ZZEF1: variants seen among roughly 807,000 people sequenced by gnomAD.
ZZEF1 encodes the protein zinc finger ZZ-type and EF-hand domain containing 1.
Under a neutral mutation model 342.8 loss-of-function variants are expected in ZZEF1, and 157 were observed. The ratio of observed to expected loss-of-function variants is 0.46; its 90% CI spans 0.40 to 0.52. The LOEUF is 0.52. Among genes scored for constraint, ZZEF1 ranks in the 20% least tolerant of loss-of-function variants. ZZEF1 has a pLI of 0.00. For missense variants in ZZEF1, 3,480 were observed against 3,725.6 expected (o/e 0.93, Z 1.72); for synonymous variants, 1,505 against 1,429.1 (o/e 1.05, Z -1.20).
chr17:4,052,105 G>C lies in ZZEF1; in HGVS notation c.5466C>G (p.Asp1822Glu). 1 of 1,613,884 alleles carries C rather than the reference G, an allele frequency of 6.2e-7. No homozygotes were observed. The highest frequency in any genetic ancestry group is 8.5e-7 in the Non-Finnish European group (1 of 1,179,926). ...GGVKPEGHGD[D>E]HEMVNMEFTC... ...TAAACTCCATGTTGACCATTTCATG[G>C]TCGTCTCCGTGGCCCTCAGGCTTCA... Residue 1822 changes from aspartate (D) to glutamate (E), a missense_variant, in exon 35 of 55, where the codon GAC becomes GAG. Around this residue, in one of 5 missense-constraint regions of ZZEF1, gnomAD observed 175 missense variants for 254.6 expected, o/e 0.69. Transcript: ENST00000381638.
chr17:4,025,468 C>T (rs543374435), intron 42 of ZZEF1, among the ~76,000 whole-genome samples: 1 of 152,290 alleles, frequency 6.6e-6, no homozygotes, highest in East Asian at 1.9e-4. Context: ...GGGTGGATCA[C>T]TTGAGGTCAG....
chr17:4,136,062 G>T (rs1477652175), intron 1 of ZZEF1, among the ~76,000 whole-genome samples: 4 of 137,400 alleles, frequency 2.9e-5, no homozygotes, highest in African/African-American at 1.1e-4. Context: ...GTGCGATCTC[G>T]GCTCACTGCA....
chr17:4,048,902 T>C lies in ZZEF1; in HGVS notation c.6015+806A>G, dbSNP rs535336572. On this transcript the variant is annotated intron_variant, in intron 37 of 54. Coordinates refer to ENST00000381638, the MANE Select transcript of ZZEF1 (RefSeq NM_015113.4). ...TTTTTTTTTTTTTTTGTATTTTTAG[T>C]AGAGACAGGGTTTCACCCTGTTGGC... is the stretch of plus-strand genomic sequence containing the variant. Among the ~76,000 whole-genome samples the C allele has an allele frequency of 6.1e-5, 9 of 147,094 alleles. 1 individual carries two copies. Among genetic ancestry groups the C allele is most frequent in the Admixed American group, 3.4e-4 (5 of 14,528 alleles).
rs2056583368 is a variant in ZZEF1, at chr17:4,033,016, G to A, written c.6585-14C>T. The A allele has an allele frequency of 1.9e-6, 3 of 1,552,878 alleles. No individual in the cohort carries two copies. The highest frequency in any genetic ancestry group is 2.6e-6 in the Non-Finnish European group (3 of 1,147,918). On this transcript the variant is annotated splice_polypyrimidine_tract_variant and intron_variant, in intron 40 of 54. Coordinates refer to ENST00000381638, the MANE Select transcript of ZZEF1 (RefSeq NM_015113.4). ...AAGCCCACCCGGCTGGAAGGCAAGA[G>A]CTCCATTAGGGGCAGTACACAGGGC...
intron 52 of ZZEF1, 150 bp downstream of exon 52, chr17:4,013,299 G>T: frequency 1.4e-6 from 1 of 715,966 alleles, no homozygotes; most frequent in Non-Finnish European, 2.1e-6. Context: ...CACCAAGAAC[G>T]CTAGCATAAA....
chr17:4,138,439 C>T (rs2058789692), intron 1 of ZZEF1, among the ~76,000 whole-genome samples: 1 of 152,116 alleles, frequency 6.6e-6, no homozygotes, highest in Admixed American at 6.5e-5. Flanking sequence ...CATATTTAAC[C>T]GTTTCCTTCA....
intron 33 of ZZEF1, among the ~76,000 whole-genome samples, chr17:4,054,428 A>G (rs1395528091): frequency 6.6e-6 from 1 of 152,246 alleles, no homozygotes; most frequent in Non-Finnish European, 1.5e-5. Context: ...TAGAGGACAG[A>G]GGACTATGGC....
At position 4,039,877 on chromosome 17, in the gene ZZEF1, C is replaced by T. The variant is rs990566606; in HGVS notation, c.6306+2552G>A. ...GCCAGGATGGTCTCGATCTCCTGAC[C>T]TCATGATCTGCCCGCCTTGGCCTCC... On this transcript the variant is annotated intron_variant, in intron 39 of 54. Transcript: ENST00000381638. Among the ~76,000 whole-genome samples the T allele has an allele frequency of 4.6e-5, 7 of 152,088 alleles. No homozygotes were observed. The East Asian group carries it at 5.8e-4, about 13-fold the overall frequency.
At chr17:4,087,911 C>T (rs925998319) in intron 13 of ZZEF1, among the ~76,000 whole-genome samples, 4 of 152,054 alleles carry the variant, frequency 2.6e-5, no homozygotes, top group African/African-American at 9.7e-5. Context: ...CTACAATATA[C>T]TGACGCCTTC....
chr17:4,125,411 C>A (rs1472206265), intron 1 of ZZEF1, among the ~76,000 whole-genome samples: 1 of 152,144 alleles, frequency 6.6e-6, no homozygotes, highest in African/African-American at 2.4e-5. Context: ...CATCATAGAC[C>A]TCTGAACAAT....
At chr17:4,031,612 A>G (rs1388243024) in intron 42 of ZZEF1, among the ~76,000 whole-genome samples, 1 of 152,188 alleles carries the variant, frequency 6.6e-6, no homozygotes, top group Non-Finnish European at 1.5e-5. Flanking sequence ...GAAAATGCAG[A>G]TGGCTTCACG....
intron 28 of ZZEF1, among the ~76,000 whole-genome samples, chr17:4,065,033 A>G (rs932772167): frequency 6.6e-6 from 1 of 152,166 alleles, no homozygotes; most frequent in South Asian, 2.1e-4. Flanking sequence ...TAAAAAAAAA[A>G]GTTTAAATTT....
intron 8 of ZZEF1, among the ~76,000 whole-genome samples, chr17:4,103,211 T>C (rs2058155285): frequency 6.6e-6 from 1 of 152,020 alleles, no homozygotes; most frequent in Non-Finnish European, 1.5e-5. Context: ...AGGACACCAA[T>C]TGTCTAACTT....
chr17:4,025,094 T>C lies in ZZEF1; in HGVS notation c.6917A>G (p.Lys2306Arg). Residue 2306 changes from lysine (K) to arginine (R), a missense_variant, in exon 43 of 55, where the codon AAG (lysine) becomes AGG (arginine). Around this residue, in one of 5 missense-constraint regions of ZZEF1, gnomAD observed 1,269 missense variants for 1,342.4 expected, o/e 0.95. Transcript: ENST00000381638. ...GTCACCACACTCTTGTCCTCCTCCC[T>C]TCTGGACCAGCTGGTAGTCCTTCAC... ...KTVKDYQLVQ[K>R]GGGQECGDSR... 6.2e-7 allele frequency: 1 copy of C among 1,614,112 alleles called. No homozygotes were observed. The highest frequency in any genetic ancestry group is 8.5e-7 in the Non-Finnish European group (1 of 1,180,014).
intron 1 of ZZEF1, among the ~76,000 whole-genome samples, chr17:4,131,387 C>T (rs2058659888): frequency 6.6e-6 from 1 of 151,670 alleles, no homozygotes. Context: ...AGACAACTGG[C>T]AGAGAATCTG....
chr17:4,064,588 C>T lies in ZZEF1; in HGVS notation c.4491G>A (p.Leu1497=), dbSNP rs1597836553. The change falls in exon 29 of 55, where the codon CTG becomes CTA. Residue 1497 remains leucine, a synonymous_variant. Coordinates refer to ENST00000381638, the MANE Select transcript of ZZEF1 (RefSeq NM_015113.4). ...CAGCAGGAAGGCCACTGCTGGATGG[C>T]AGCTTTGGCTGGGTGCCCAGGCCAG... ...QSPGLGTQPK[L]PSSSGLPAAD... is the part of the protein sequence containing the mutation. The T allele has an allele frequency of 1.2e-6, 2 of 1,614,150 alleles. No individual in the cohort carries two copies. Among genetic ancestry groups the T allele is most frequent in the Non-Finnish European group, 1.7e-6 (2 of 1,180,036 alleles).
Position 4,019,650 on chromosome 17 carries a change from G to A in ZZEF1, c.7505+19C>T. Reference sequence around the variant, plus strand: ...TTCTCTCCCTGGCCACACTTCAGCTGCACGGAAATGTCCCTTACCTCTTCT... The same window carrying A: ...TTCTCTCCCTGGCCACACTTCAGCTACACGGAAATGTCCCTTACCTCTTCT... On this transcript the variant is annotated intron_variant, in intron 46 of 54. Transcript: ENST00000381638. 1 of 1,602,024 alleles carries A rather than the reference G, an allele frequency of 6.2e-7. No homozygotes were observed. Among genetic ancestry groups the A allele is most frequent in the Non-Finnish European group, 8.5e-7 (1 of 1,171,732 alleles).
intron 3 of ZZEF1, 102 bp from the exon 4 acceptor site, chr17:4,114,572 C>A (rs2058364343): frequency 3.1e-6 from 3 of 981,526 alleles, no homozygotes; most frequent in South Asian, 5.7e-5. Context: ...TACTCTGGCC[C>A]TAGAAACACA....
At chr17:4,123,292 TATATATATATATATATATCAGAAAA>T in intron 2 of ZZEF1, among the ~76,000 whole-genome samples, 1 of 98,032 alleles carries the variant, frequency 1.0e-5, no homozygotes, top group Middle Eastern at 4.6e-3. Context: ...TATATATATA[TATATATATATATATATATCAGAAAA>T]ATATATAGTA....
Sources: gnomAD v4.1 joint callset for allele counts (sites outside exome capture counted in the v4.1 genomes callset) on GRCh38, gnomAD v4.1.1 for gene constraint, gnomAD v4.1.1 regional missense constraint, MANE v1.5 for transcripts, NCBI Gene and HGNC (gene_info 2026-07-23, HGNC 2026-07-21) for gene names.